The following C8orf34 variants were observed in gnomAD, a reference collection of about 807,000 sequenced individuals.
C8orf34 encodes uncharacterized protein C8orf34.
C8orf34 carries 65 observed loss-of-function variants against 68.3 expected under a neutral mutation model. The ratio of observed to expected loss-of-function variants is 0.95; its 90% CI spans 0.78 to 1.17. C8orf34 has a LOEUF of 1.17. Ranked by LOEUF, C8orf34 falls within the 50% of genes most tolerant of loss-of-function variation. The probability of loss-of-function intolerance (pLI) is 0.00; values close to 1 mark genes in which losing one functional copy is unlikely to be tolerated. For synonymous variants in C8orf34, 244 were observed against 241.2 expected, an observed-to-expected ratio of 1.01 and a Z score of -0.11; for missense variants, 664 against 655.4, an observed-to-expected ratio of 1.01 and a Z score of -0.14.
intron 6 of C8orf34, chr8:68,525,483 T>G (rs182207314): frequency 1.6e-6 from 1 of 636,288 alleles, no homozygotes; most frequent in Admixed American, 2.5e-5. Context: ...GGTTTCCCTC[T>G]GAGGCATTTT....
At chr8:68,470,165 TA>T (rs988686830) in intron 4 of C8orf34, among the ~76,000 whole-genome samples, 6 of 152,060 alleles carry the variant, frequency 3.9e-5, no homozygotes, top group African/African-American at 1.4e-4. Flanking sequence ...GTTTTTGGCT[TA>T]TGATTATATT....
intron 8 of C8orf34, among the ~76,000 whole-genome samples, chr8:68,675,511 C>T (rs1005559065): frequency 2.6e-5 from 4 of 151,176 alleles, no homozygotes; most frequent in Non-Finnish European, 2.9e-5. Context: ...GTCAAATTGT[C>T]GAAAGTTTAA....
At chr8:68,489,685 C>G (rs905261915) in intron 5 of C8orf34, among the ~76,000 whole-genome samples, 1 of 151,976 alleles carries the variant, frequency 6.6e-6, no homozygotes, top group African/African-American at 2.4e-5. Flanking sequence ...GATTTTGGAG[C>G]ATTTCAGATT....
intron 3 of C8orf34, among the ~76,000 whole-genome samples, chr8:68,450,616 T>C (rs1023519703): frequency 3.3e-5 from 5 of 152,144 alleles, no homozygotes; most frequent in Non-Finnish European, 7.4e-5. Flanking sequence ...ATCAGCACTC[T>C]GGAGTGACTG....
chr8:68,661,828 G>A (rs369846932), intron 8 of C8orf34, among the ~76,000 whole-genome samples: 3 of 152,036 alleles, frequency 2.0e-5, no homozygotes, highest in Non-Finnish European at 4.4e-5. Context: ...TCTGCCTAAA[G>A]CAAGCTGGCT....
At chr8:68,653,151 A>G (rs1819411938) in intron 8 of C8orf34, among the ~76,000 whole-genome samples, 1 of 152,236 alleles carries the variant, frequency 6.6e-6, no homozygotes, top group Non-Finnish European at 1.5e-5. Context: ...GTTTAAGGTT[A>G]CTAAAATTTA....
intron 1 of C8orf34, among the ~76,000 whole-genome samples, chr8:68,412,653 T>G (rs1267071443): frequency 6.6e-6 from 1 of 152,160 alleles, no homozygotes; most frequent in Non-Finnish European, 1.5e-5. Context: ...TCCTCTTTAT[T>G]GAACTCCTCT....
intron 10 of C8orf34, among the ~76,000 whole-genome samples, chr8:68,745,712 C>A (rs1391970285): frequency 1.3e-5 from 2 of 152,134 alleles, no homozygotes; most frequent in African/African-American, 4.8e-5. Flanking sequence ...GCACCCAATA[C>A]AGGAGCACCC....
At chr8:68,667,550 G>A (rs1306829850) in intron 8 of C8orf34, among the ~76,000 whole-genome samples, 1 of 152,162 alleles carries the variant, frequency 6.6e-6, no homozygotes, top group Non-Finnish European at 1.5e-5. Context: ...GCAAGGATCT[G>A]TGGTGCTAAC....
At chr8:68,708,487 T>C (rs898232912) in intron 8 of C8orf34, among the ~76,000 whole-genome samples, 9 of 152,222 alleles carry the variant, frequency 5.9e-5, no homozygotes, top group African/African-American at 1.9e-4. Context: ...ATGAGAAGTC[T>C]GGGCAGTCAC....
At chr8:68,541,883 TTGAC>T (rs1221597705) in intron 7 of C8orf34, among the ~76,000 whole-genome samples, 1 of 152,204 alleles carries the variant, frequency 6.6e-6, no homozygotes, top group African/African-American at 2.4e-5. Context: ...TTCATGTAGT[TTGAC>T]TGAACCAATT....
intron 1 of C8orf34, among the ~76,000 whole-genome samples, chr8:68,366,002 T>C (rs1473264995): frequency 2.6e-4 from 11 of 41,718 alleles, no homozygotes; most frequent in African/African-American, 1.1e-3. Flanking sequence ...AAAACCCCAT[T>C]GTCTCAGCCC....
chr8:68,437,178 C>T (rs1810700801), intron 1 of C8orf34, among the ~76,000 whole-genome samples: 1 of 152,110 alleles, frequency 6.6e-6, no homozygotes, highest in Admixed American at 6.6e-5. Context: ...TAGACTGATA[C>T]TATTTTTAAA....
intron 2 of C8orf34, among the ~76,000 whole-genome samples, chr8:68,445,926 A>G (rs962462480): frequency 6.6e-6 from 1 of 152,006 alleles, no homozygotes; most frequent in African/African-American, 2.4e-5. Context: ...AGTAGCTGTA[A>G]TTACAGACGC....
chr8:68,650,389 T>G (rs1819312321), intron 8 of C8orf34, among the ~76,000 whole-genome samples: 1 of 151,744 alleles, frequency 6.6e-6, no homozygotes, highest in South Asian at 2.1e-4. Flanking sequence ...GAGGGGGCGG[T>G]GTCTGATTTA....
chr8:68,379,826 T>G (rs2129620154), intron 1 of C8orf34, among the ~76,000 whole-genome samples: 1 of 152,254 alleles, frequency 6.6e-6, no homozygotes, highest in South Asian at 2.1e-4. Context: ...GTATACATCG[T>G]CACGCTTCTT....
chr8:68,396,168 G>A (rs751612965), intron 1 of C8orf34, among the ~76,000 whole-genome samples: 17 of 151,874 alleles, frequency 1.1e-4, no homozygotes, highest in Non-Finnish European at 5.9e-5. Flanking sequence ...CCAAACAATA[G>A]AAGACATATT....
chr8:68,425,779 A>G (rs1422812330), intron 1 of C8orf34, among the ~76,000 whole-genome samples: 1 of 151,874 alleles, frequency 6.6e-6, no homozygotes, highest in African/African-American at 2.4e-5. Context: ...ATTTCAAAGG[A>G]TAAGATATGA....
intron 7 of C8orf34, among the ~76,000 whole-genome samples, chr8:68,563,981 A>G (rs1423635632): frequency 6.6e-6 from 1 of 152,210 alleles, no homozygotes; most frequent in African/African-American, 2.4e-5. Flanking sequence ...GGATAAGACA[A>G]AAGCATGTCT....
Sources: gnomAD v4.1 joint callset for allele counts (sites outside exome capture counted in the v4.1 genomes callset) on GRCh38, gnomAD v4.1.1 for gene constraint, MANE v1.5 for transcripts, NCBI Gene and HGNC (gene_info 2026-07-23, HGNC 2026-07-21) for gene names.